EBF1: variants seen among roughly 807,000 people sequenced by gnomAD.
EBF1 encodes the protein EBF transcription factor 1, also known as transcription factor COE1.
EBF1 carries 10 observed loss-of-function variants against 68.4 expected under a neutral mutation model. The observed-to-expected ratio is 0.15, with a 90% confidence interval of 0.09 to 0.25. The LOEUF is 0.25. Ranked by LOEUF, EBF1 falls within the 10% of genes least tolerant of loss-of-function variation. The pLI, the probability that EBF1 is intolerant of heterozygous loss-of-function variation, is 1.00. For synonymous variants in EBF1, 298 were observed against 299.8 expected (o/e 0.99, Z 0.06); for missense variants, 509 against 794.4 (o/e 0.64, Z 4.32).
At chr5:158,948,756 C>T (rs1452976416) in intron 6 of EBF1, among the ~76,000 whole-genome samples, 1 of 152,204 alleles carries the variant, frequency 6.6e-6, no homozygotes, top group African/African-American at 2.4e-5. Flanking sequence ...ATGTGGCATT[C>T]TCGTCTTCAT....
intron 6 of EBF1, among the ~76,000 whole-genome samples, chr5:158,947,918 C>T (rs756522825): frequency 1.3e-5 from 2 of 152,190 alleles, no homozygotes; most frequent in South Asian, 4.1e-4. Flanking sequence ...CCATTAACAA[C>T]CAGCTTTTGC....
At chr5:158,792,033 C>T (rs1409727377) in intron 9 of EBF1, among the ~76,000 whole-genome samples, 1 of 152,104 alleles carries the variant, frequency 6.6e-6, no homozygotes, top group Non-Finnish European at 1.5e-5. Flanking sequence ...TGCTCCAAAT[C>T]ACATGTTGGT....
chr5:158,855,933 T>C (rs1178392341), intron 6 of EBF1, among the ~76,000 whole-genome samples: 2 of 152,172 alleles, frequency 1.3e-5, no homozygotes, highest in Non-Finnish European at 2.9e-5. Context: ...AATGTCTTTC[T>C]CAGTTGACTC....
chr5:159,068,025 A>G (rs1777142259), intron 6 of EBF1, among the ~76,000 whole-genome samples: 1 of 152,120 alleles, frequency 6.6e-6, no homozygotes, highest in Admixed American at 6.6e-5. Flanking sequence ...CTGGTTCTTC[A>G]TACCCCACAC....
chr5:158,851,623 G>C (rs1442654823), intron 6 of EBF1, among the ~76,000 whole-genome samples: 1 of 77,994 alleles, frequency 1.3e-5, no homozygotes, highest in African/African-American at 5.2e-5. Context: ...GAAGGAAAGG[G>C]CAGGGAAGAA....
intron 6 of EBF1, among the ~76,000 whole-genome samples, chr5:159,061,060 C>T (rs962500870): frequency 2.6e-5 from 4 of 151,790 alleles, no homozygotes; most frequent in African/African-American, 9.7e-5. Context: ...ATGTTCCTTC[C>T]AAACCGGAGT....
At chr5:158,898,291 A>G (rs1296951453) in intron 6 of EBF1, among the ~76,000 whole-genome samples, 3 of 152,196 alleles carry the variant, frequency 2.0e-5, no homozygotes, top group Non-Finnish European at 2.9e-5. Context: ...ACTGTTCCAC[A>G]TCATTACTAA....
rs542137376 is a variant in EBF1, at chr5:159,065,069, G to C, written c.554+8327C>G. 3.3e-5 allele frequency among the ~76,000 whole-genome samples: 5 copies of C among 152,140 alleles called. No individual in the cohort carries two copies. In the South Asian group the frequency reaches 1.0e-3, roughly 32 times the overall value. On this transcript the variant is annotated intron_variant, in intron 6 of 15. Coordinates refer to ENST00000313708, the MANE Select transcript of EBF1 (RefSeq NM_024007.5). ...AATAGTGCACCCAAGAGTGTTAAAA[G>C]TGATATTTTCAGATATTACTAACAG...
intron 6 of EBF1, among the ~76,000 whole-genome samples, chr5:159,047,370 G>T (rs1181539609): frequency 6.6e-6 from 1 of 152,158 alleles, no homozygotes; most frequent in Non-Finnish European, 1.5e-5. Context: ...ATTCTCAAAA[G>T]CTTACTTTGG....
At chr5:158,995,289 G>T (rs1475010803) in intron 6 of EBF1, among the ~76,000 whole-genome samples, 1 of 152,148 alleles carries the variant, frequency 6.6e-6, no homozygotes, top group Non-Finnish European at 1.5e-5. Context: ...AGTATTGGTG[G>T]TGTCTTCATG....
In EBF1 at chr5:158,786,469, G is replaced by A. The variant is rs567248256; in HGVS notation, c.910-8930C>T. On this transcript the variant is annotated intron_variant, in intron 9 of 15. Transcript: ENST00000313708. ...TCTCTTCCCAGGATGTAGATCTTGT[G>A]CCAGTTGGGCCCCATTAAAGACTGG... Among the ~76,000 whole-genome samples the A allele has an allele frequency of 2.0e-4, 31 of 151,322 alleles. 1 individual carries two copies. Among genetic ancestry groups the A allele is most frequent in the Admixed American group, 1.7e-3 (26 of 15,178 alleles).
intron 14 of EBF1, among the ~76,000 whole-genome samples, chr5:158,708,653 A>G (rs2127476619): frequency 6.6e-6 from 1 of 152,314 alleles, no homozygotes; most frequent in South Asian, 2.1e-4. Context: ...GGAGGCAGGG[A>G]AGGGAAATCA....
chr5:158,757,403 A>C (rs529535535), intron 10 of EBF1, among the ~76,000 whole-genome samples: 11 of 152,268 alleles, frequency 7.2e-5, no homozygotes, highest in African/African-American at 2.4e-4. Context: ...TATGGAACAA[A>C]CTGAAACTTG....
intron 6 of EBF1, among the ~76,000 whole-genome samples, chr5:158,957,648 T>A (rs952271555): frequency 6.6e-6 from 1 of 152,258 alleles, no homozygotes; most frequent in African/African-American, 2.4e-5. Flanking sequence ...TTCCATGGCA[T>A]GTGCCTCTTC....
chr5:158,954,032 C>A (rs755004543), intron 6 of EBF1, among the ~76,000 whole-genome samples: 9 of 152,306 alleles, frequency 5.9e-5, no homozygotes, highest in East Asian at 1.9e-4. Flanking sequence ...TGTTGTTAAA[C>A]CTTTTCTCAG....
intron 6 of EBF1, among the ~76,000 whole-genome samples, chr5:158,922,914 A>G (rs565253954): frequency 1.3e-5 from 2 of 152,332 alleles, no homozygotes; most frequent in African/African-American, 4.8e-5. Flanking sequence ...CTGAATTCAC[A>G]ATGGACTTTT....
chr5:158,846,773 G>A (rs993177809), intron 6 of EBF1, among the ~76,000 whole-genome samples: 3 of 152,234 alleles, frequency 2.0e-5, no homozygotes, highest in Non-Finnish European at 4.4e-5. Flanking sequence ...TGAGGAGGCT[G>A]AACCCATGTA....
intron 6 of EBF1, among the ~76,000 whole-genome samples, chr5:158,953,236 C>T (rs991463113): frequency 6.6e-6 from 1 of 152,206 alleles, no homozygotes; most frequent in Non-Finnish European, 1.5e-5. Flanking sequence ...TGTGTGTTTA[C>T]GTGGCAAACC....
At chr5:158,780,785 TGAAAA>T (rs1340403898) in intron 9 of EBF1, among the ~76,000 whole-genome samples, 1 of 152,270 alleles carries the variant, frequency 6.6e-6, no homozygotes, top group South Asian at 2.1e-4. Context: ...AAAGGAGTGA[TGAAAA>T]GAGAAACCAA....
Sources: gnomAD v4.1 joint callset for allele counts (sites outside exome capture counted in the v4.1 genomes callset) on GRCh38, gnomAD v4.1.1 for gene constraint, MANE v1.5 for transcripts, NCBI Gene and HGNC (gene_info 2026-07-23, HGNC 2026-07-21) for gene names.